The following DCDC1 variants were observed in gnomAD, a reference collection of about 807,000 sequenced individuals.
The protein encoded by DCDC1 is doublecortin domain-containing protein 1.
A neutral mutation model predicts 178.3 loss-of-function variants in DCDC1; 200 were observed. That is an observed-to-expected ratio of 1.12 (90% CI 1.00 to 1.26). The LOEUF (loss-of-function observed/expected upper bound fraction) is 1.26. DCDC1 is among the 50% of genes most tolerant of loss of function. The pLI is 0.00. For synonymous variants in DCDC1, 690 were observed against 604.8 expected (o/e 1.14, Z -2.07); for missense variants, 1,983 against 1,749.2 (o/e 1.13, Z -2.38).
At chr11:31,041,724 C>A (rs1954469396) in intron 20 of DCDC1, among the ~76,000 whole-genome samples, 1 of 152,096 alleles carries the variant, frequency 6.6e-6, no homozygotes, top group Admixed American at 6.6e-5. Flanking sequence ...GCAACTGAAA[C>A]ACAAGAGAAA....
At chr11:30,952,654 T>C (rs1225490163) in intron 20 of DCDC1, 86 bp from the exon 21 acceptor site, 1 of 536,612 alleles carries the variant, frequency 1.9e-6, no homozygotes, top group Non-Finnish European at 3.1e-6. Context: ...GAGTACTTAC[T>C]ATACACTAGG....
chr11:31,154,375 C>T (rs949442798), intron 9 of DCDC1, among the ~76,000 whole-genome samples: 14 of 152,194 alleles, frequency 9.2e-5, no homozygotes, highest in African/African-American at 3.4e-4. Flanking sequence ...TCCAGGAAGC[C>T]TGCTCTGACT....
intron 11 of DCDC1, among the ~76,000 whole-genome samples, chr11:31,127,252 A>G (rs192104197): frequency 3.0e-4 from 46 of 152,346 alleles, no homozygotes; most frequent in African/African-American, 1.1e-3. Context: ...ATTGGAAACT[A>G]GTTAAAGCTT....
intron 9 of DCDC1, among the ~76,000 whole-genome samples, chr11:31,193,747 T>C (rs1446493386): frequency 6.6e-6 from 1 of 152,100 alleles, no homozygotes; most frequent in East Asian, 1.9e-4. Context: ...ATTAACCCTT[T>C]GGAGAACAAA....
At chr11:31,213,142 T>TCC (rs1972939749) in intron 9 of DCDC1, among the ~76,000 whole-genome samples, 1 of 142,274 alleles carries the variant, frequency 7.0e-6, no homozygotes, top group Non-Finnish European at 1.5e-5. Flanking sequence ...TCTCTCTCTC[T>TCC]CTCTCTCTCT....
chr11:30,948,278 C>G (rs1948184819), intron 21 of DCDC1, among the ~76,000 whole-genome samples: 2 of 151,950 alleles, frequency 1.3e-5, no homozygotes, highest in Non-Finnish European at 1.5e-5. Flanking sequence ...AATAAAATAC[C>G]TAGGAATACA....
At chr11:30,913,197 G>A (rs1945574329) in intron 27 of DCDC1, among the ~76,000 whole-genome samples, 1 of 152,052 alleles carries the variant, frequency 6.6e-6, no homozygotes, top group Non-Finnish European at 1.5e-5. Context: ...CGAGGAGGGC[G>A]GATCACAAGG....
chr11:31,062,184 C>T (rs1345619485), intron 20 of DCDC1, among the ~76,000 whole-genome samples: 1 of 151,938 alleles, frequency 6.6e-6, no homozygotes, highest in Non-Finnish European at 1.5e-5. Flanking sequence ...TGAGTAAAGC[C>T]CAGGATAAGG....
At chr11:31,193,500 T>A (rs888812152) in intron 9 of DCDC1, among the ~76,000 whole-genome samples, 1 of 152,066 alleles carries the variant, frequency 6.6e-6, no homozygotes, top group South Asian at 2.1e-4. Flanking sequence ...CTGAAAAAAA[T>A]TAAAAATGTG....
chr11:31,270,718 T>C (rs2137161486), intron 7 of DCDC1, among the ~76,000 whole-genome samples: 1 of 152,228 alleles, frequency 6.6e-6, no homozygotes, highest in South Asian at 2.1e-4. Flanking sequence ...CAAGATAATT[T>C]CTCCCCAACC....
intron 9 of DCDC1, among the ~76,000 whole-genome samples, chr11:31,194,083 T>C (rs568666047): frequency 6.6e-6 from 1 of 152,214 alleles, no homozygotes; most frequent in East Asian, 1.9e-4. Context: ...ACACTGAATG[T>C]TCTTAGCCCC....
intron 7 of DCDC1, among the ~76,000 whole-genome samples, chr11:31,289,087 G>A (rs1947038853): frequency 6.6e-6 from 1 of 151,870 alleles, no homozygotes; most frequent in Admixed American, 6.6e-5. Flanking sequence ...TGATCATCCA[G>A]TTTTAAATAA....
intron 21 of DCDC1, among the ~76,000 whole-genome samples, chr11:30,946,130 A>C (rs981125185): frequency 6.6e-6 from 1 of 152,154 alleles, no homozygotes; most frequent in Non-Finnish European, 1.5e-5. Context: ...CACAGTGTCC[A>C]TATGGAGGTA....
chr11:31,184,924 T>A (rs1344016822), intron 9 of DCDC1, among the ~76,000 whole-genome samples: 2 of 152,090 alleles, frequency 1.3e-5, no homozygotes, highest in African/African-American at 2.4e-5. Flanking sequence ...TACCCAAAGG[T>A]TTATAAATAA....
chr11:31,079,445 C>T (rs183505547), intron 17 of DCDC1, among the ~76,000 whole-genome samples: 95 of 152,264 alleles, frequency 6.2e-4, no homozygotes, highest in Non-Finnish European at 1.2e-3. Flanking sequence ...TCTCTGAGTT[C>T]TGTGAGCCAT....
At chr11:31,160,018 T>C (rs1966150058) in intron 9 of DCDC1, among the ~76,000 whole-genome samples, 1 of 152,220 alleles carries the variant, frequency 6.6e-6, no homozygotes, top group Non-Finnish European at 1.5e-5. Flanking sequence ...AATTTAACTT[T>C]ATTGTCACTT....
chr11:31,315,649 T>A (rs1158186739), intron 3 of DCDC1, among the ~76,000 whole-genome samples: 1 of 138,700 alleles, frequency 7.2e-6, no homozygotes, highest in East Asian at 2.0e-4. Flanking sequence ...TGCATACCTT[T>A]TTTTTTTTTT....
intron 9 of DCDC1, among the ~76,000 whole-genome samples, chr11:31,209,869 A>G (rs969983365): frequency 2.0e-5 from 3 of 152,196 alleles, no homozygotes; most frequent in Non-Finnish European, 4.4e-5. Flanking sequence ...ATGCATAGAG[A>G]GAGATAAAGG....
intron 9 of DCDC1, among the ~76,000 whole-genome samples, chr11:31,179,630 A>G (rs558097418): frequency 3.5e-4 from 53 of 152,308 alleles, no homozygotes; most frequent in Non-Finnish European, 6.5e-4. Context: ...CTTAAAGTTG[A>G]TATCAAAGAG....
Sources: allele counts gnomAD v4.1 joint callset (sites outside exome capture counted in the v4.1 genomes callset), GRCh38; gene constraint gnomAD v4.1.1; transcripts MANE v1.5; gene names NCBI Gene and HGNC (gene_info 2026-07-23, HGNC 2026-07-21).